Variants in AMMECR1 observed in about 807,000 individuals in gnomAD.
The protein encoded by AMMECR1 is AMMECR nuclear protein 1, also known as nuclear protein AMMECR1.
In AMMECR1, 3 loss-of-function variants were observed where a neutral mutation model predicts 22.5. The observed-to-expected ratio is 0.13, with a 90% CI of 0.06 to 0.35. AMMECR1 has a LOEUF of 0.35. AMMECR1 is among the 10% of genes least tolerant of loss of function. The pLI is 1.00. For missense variants in AMMECR1, 235 were observed against 278.7 expected (o/e 0.84, Z 1.12); for synonymous variants, 130 against 116.7 (o/e 1.11, Z -0.74).
intron 2 of AMMECR1, among the ~76,000 whole-genome samples, chrX:110,338,357 T>G (rs760107862): frequency 1.8e-5 from 2 of 111,851 alleles, no homozygotes; most frequent in South Asian, 3.8e-4. Context: ...ATTTTGAGTT[T>G]TCCTCAGAAG....
chrX:110,232,759 G>C (rs184911792), intron 2 of AMMECR1, among the ~76,000 whole-genome samples: 5 of 107,633 alleles, frequency 4.6e-5, no homozygotes, highest in Non-Finnish European at 3.8e-5. Flanking sequence ...GCATGGTGGT[G>C]GGCGCCTGTA....
At chrX:110,222,471 A>G (rs1194490421) in intron 2 of AMMECR1, among the ~76,000 whole-genome samples, 6 of 86,978 alleles carry the variant, frequency 6.9e-5, no homozygotes, top group Admixed American at 1.3e-4. Flanking sequence ...GGGGAGGGAT[A>G]GCACTGGGAG....
intron 2 of AMMECR1, among the ~76,000 whole-genome samples, chrX:110,381,580 C>G (rs1212033913): frequency 3.6e-5 from 4 of 111,487 alleles, no homozygotes; most frequent in Non-Finnish European, 7.5e-5. Flanking sequence ...GGGTATATAT[C>G]CAAAGGAAAA....
At chrX:110,232,889 C>CAAAAAAAAAAAAAAAAA (rs775605567) in intron 2 of AMMECR1, among the ~76,000 whole-genome samples, 2 of 11,914 alleles carry the variant, frequency 1.7e-4, no homozygotes, top group Non-Finnish European at 2.7e-4. Context: ...GACTCAGTCT[C>CAAAAAAAAAAAAAAAAA]AAAAAAAAAA....
At chrX:110,400,761 G>A (rs1397013707) in intron 2 of AMMECR1, among the ~76,000 whole-genome samples, 3 of 111,848 alleles carry the variant, frequency 2.7e-5, no homozygotes, top group Non-Finnish European at 5.6e-5. Context: ...TTTATGGCAA[G>A]AGTTTGTTGG....
chrX:110,282,512 T>C (rs2067857582), intron 1 of AMMECR1, among the ~76,000 whole-genome samples: 1 of 111,208 alleles, frequency 9.0e-6, no homozygotes, highest in African/African-American at 3.3e-5. Flanking sequence ...CTAAGTATTA[T>C]AATTCTGTCA....
At chrX:110,290,607 T>C (rs753931678) in intron 1 of AMMECR1, among the ~76,000 whole-genome samples, 28 of 111,584 alleles carry the variant, frequency 2.5e-4, no homozygotes, top group African/African-American at 8.1e-4. Flanking sequence ...TTTAATATTA[T>C]TAAAATTTTA....
At chrX:110,206,434 ACAGT>A (rs2067422203) in intron 3 of AMMECR1, among the ~76,000 whole-genome samples, 1 of 112,104 alleles carries the variant, frequency 8.9e-6, no homozygotes, top group South Asian at 3.7e-4. Context: ...TTGTAATTGC[ACAGT>A]CAAAGCTTAA....
rs760698789 is a variant in AMMECR1 at position 110,196,581 on chromosome X, C to CA, written c.*1938dup. The CA allele has an allele frequency of 3.8e-4, 42 of 111,205 alleles. No homozygotes were observed. Among genetic ancestry groups the CA allele is most frequent in the African/African-American group, 1.4e-3 (42 of 30,632 alleles). 9.2% of individuals were successfully genotyped at this position (111,205 alleles called of 1,213,427 possible). A position where few individuals can be genotyped will look rare whatever the true frequency, so the allele number is the denominator to read the frequency against. Reference sequence around the variant, plus strand: ...CTCAAAATCCCTTTCTAAAGCCCAACAGCTAACTTTTTCTGACTAATCTCT... The same window carrying CA: ...CTCAAAATCCCTTTCTAAAGCCCAACAAGCTAACTTTTTCTGACTAATCTCT... On this transcript the variant is annotated 3_prime_UTR_variant, in exon 6 of 6. Transcript: ENST00000262844.
At chrX:110,422,177 A>G (rs1426075910) in intron 2 of AMMECR1, among the ~76,000 whole-genome samples, 2 of 112,661 alleles carry the variant, frequency 1.8e-5, no homozygotes, top group African/African-American at 6.5e-5. Context: ...TTCCCTGTCC[A>G]GGTTTCTTCT....
intron 2 of AMMECR1, among the ~76,000 whole-genome samples, chrX:110,344,365 A>C (rs1008926486): frequency 7.1e-5 from 8 of 112,409 alleles, no homozygotes; most frequent in African/African-American, 2.6e-4. Context: ...AAAGACTTAC[A>C]TGTTAGACCT....
intron 2 of AMMECR1, among the ~76,000 whole-genome samples, chrX:110,255,065 C>T (rs1379048437): frequency 8.9e-6 from 1 of 112,397 alleles, no homozygotes; most frequent in Non-Finnish European, 1.9e-5. Flanking sequence ...GTTTTATTGT[C>T]CCAACTCTTT....
intron 2 of AMMECR1, among the ~76,000 whole-genome samples, chrX:110,258,742 C>T (rs1012262651): frequency 9.0e-6 from 1 of 111,632 alleles, no homozygotes; most frequent in Non-Finnish European, 1.9e-5. Flanking sequence ...GCTTCCATAA[C>T]AATAATGTAC....
At chrX:110,426,531 G>T (rs757189981) in intron 2 of AMMECR1, 5 of 112,290 alleles carry the variant, frequency 4.5e-5, no homozygotes, top group South Asian at 3.7e-4. Flanking sequence ...TGCTTTGTTG[G>T]TTATGTAAGA....
chrX:110,284,988 G>C (rs1340580581), intron 1 of AMMECR1, among the ~76,000 whole-genome samples: 2 of 111,392 alleles, frequency 1.8e-5, no homozygotes, highest in Non-Finnish European at 3.8e-5. Context: ...CTTTAGACAG[G>C]GTTCTCAACC....
chrX:110,326,897 G>C (rs1299754450), intron 2 of AMMECR1, among the ~76,000 whole-genome samples: 1 of 111,601 alleles, frequency 9.0e-6, no homozygotes, highest in Non-Finnish European at 1.9e-5. Context: ...GAATTTCCAT[G>C]TAAATTTTGG....
chrX:110,271,640 A>ATT lies in AMMECR1; in HGVS notation c.474-7042_474-7041insAA, dbSNP rs1187668708. ...CTGAGACAATCTTATAGTTTTTTAG[A>ATT]GCCCTAAATTAGATGAGAAAGACTA... is the stretch of plus-strand genomic sequence containing the variant. On this transcript the variant is annotated intron_variant, in intron 1 of 5. Coordinates refer to ENST00000262844, the MANE Select transcript of AMMECR1 (RefSeq NM_015365.3). Among the ~76,000 whole-genome samples the ATT allele has an allele frequency of 2.7e-5, 3 of 112,145 alleles. No homozygotes were observed. In the East Asian group the frequency reaches 8.4e-4, roughly 31 times the overall value.
intron 2 of AMMECR1, among the ~76,000 whole-genome samples, chrX:110,246,258 A>G (rs997530152): frequency 3.6e-5 from 4 of 111,320 alleles, no homozygotes; most frequent in African/African-American, 1.3e-4. Flanking sequence ...TTATTAAATG[A>G]AAACTGATCC....
chrX:110,402,260 C>T (rs1368051510), intron 2 of AMMECR1, among the ~76,000 whole-genome samples: 1 of 113,146 alleles, frequency 8.8e-6, no homozygotes, highest in Non-Finnish European at 1.9e-5. Flanking sequence ...ATGAAGAAGG[C>T]TCACCTTGCC....
Sources: gnomAD v4.1 joint callset for allele counts (sites outside exome capture counted in the v4.1 genomes callset) on GRCh38, gnomAD v4.1.1 for gene constraint, MANE v1.5 for transcripts, NCBI Gene and HGNC (gene_info 2026-07-23, HGNC 2026-07-21) for gene names.